SASH1: variants seen among roughly 807,000 people sequenced by gnomAD.
The protein encoded by SASH1 is SAM and SH3 domain containing 1.
SASH1 carries 44 observed loss-of-function variants against 125.2 expected under a neutral mutation model. The ratio of observed to expected loss-of-function variants is 0.35; its 90% CI spans 0.28 to 0.45. The LOEUF (loss-of-function observed/expected upper bound fraction) is 0.45, where lower values mean the gene tolerates loss of function less well. SASH1 is among the 20% of genes least tolerant of loss of function. SASH1 has a pLI of 1.00. For synonymous variants in SASH1, 639 were observed against 649.1 expected, an observed-to-expected ratio of 0.98 and a Z score of 0.24; for missense variants, 1,426 against 1,614.5, an observed-to-expected ratio of 0.88 and a Z score of 2.00.
At chr6:148,391,259 G>A (rs535289127) in intron 2 of SASH1, among the ~76,000 whole-genome samples, 11 of 151,810 alleles carry the variant, frequency 7.2e-5, no homozygotes, top group South Asian at 6.2e-4. Context: ...ACAGGCATGC[G>A]CCACCACACC....
At chr6:148,502,374 AGT>A (rs1352299178) in intron 8 of SASH1, among the ~76,000 whole-genome samples, 2 of 152,198 alleles carry the variant, frequency 1.3e-5, no homozygotes, top group Non-Finnish European at 2.9e-5. Flanking sequence ...ACTTACCCAC[AGT>A]GTGTTTCATA....
intron 1 of SASH1, among the ~76,000 whole-genome samples, chr6:148,290,057 G>A (rs1222122730): frequency 6.6e-6 from 1 of 151,152 alleles, no homozygotes; most frequent in Non-Finnish European, 1.5e-5. Context: ...TAGTAGAGAA[G>A]GGGTTTCACT....
chr6:148,250,161 A>T, the SASH1 span, among the ~76,000 whole-genome samples: 2 of 152,196 alleles, frequency 1.3e-5, no homozygotes. Context: ...GAGACAAGAA[A>T]GGTGCAGATA....
intron 1 of SASH1, among the ~76,000 whole-genome samples, chr6:148,301,879 G>A (rs556019153): frequency 5.3e-5 from 8 of 151,400 alleles, no homozygotes; most frequent in East Asian, 3.9e-4. Flanking sequence ...TTACAGGCAT[G>A]AGCCACCGCA....
chr6:148,401,042 T>G lies in SASH1; in HGVS notation c.285+10780T>G, dbSNP rs562988711. Reference sequence around the variant, plus strand: ...GGTGGATCGCTTGAGTTTAGGAGTTTGAGACTGGCCTGGGCAACATGGTGA... The same window carrying G: ...GGTGGATCGCTTGAGTTTAGGAGTTGGAGACTGGCCTGGGCAACATGGTGA... On this transcript the variant is annotated intron_variant, in intron 2 of 19. Transcript: ENST00000367467. 4.6e-5 allele frequency among the ~76,000 whole-genome samples: 7 copies of G among 152,188 alleles called. No individual in the cohort carries two copies. The East Asian group carries it at 1.2e-3, about 25-fold the overall frequency.
chr6:148,308,552 T>C (rs9485276), intron 1 of SASH1, among the ~76,000 whole-genome samples: 144,845 of 151,318 alleles, frequency 0.96, 69,364 homozygotes, highest in African/African-American at 0.99. Flanking sequence ...TGCGCCACCA[T>C]GCCTGGCTAA....
At chr6:148,397,434 G>A (rs1486539056) in intron 2 of SASH1, among the ~76,000 whole-genome samples, 3 of 152,128 alleles carry the variant, frequency 2.0e-5, no homozygotes, top group Admixed American at 6.5e-5. Flanking sequence ...GCAGTGAGCC[G>A]AGATCGCACT....
chr6:148,404,275 A>C (rs1784286840), intron 2 of SASH1, among the ~76,000 whole-genome samples: 1 of 152,342 alleles, frequency 6.6e-6, no homozygotes, highest in East Asian at 1.9e-4. Flanking sequence ...ATAAAAACAT[A>C]AAATATGTTA....
rs183490806 is a variant in SASH1, at chr6:148,538,194, G to A, written c.2096-2249G>A. ...CCAAAATAATTTCAGGTATTCTGCT[G>A]TGTCTGCTGAGGCTGGGGTCCCCAA... On this transcript the variant is annotated intron_variant, in intron 16 of 19. Coordinates refer to ENST00000367467, the MANE Select transcript of SASH1 (RefSeq NM_015278.5). Among the ~76,000 whole-genome samples, 153 of 152,302 alleles carry A rather than the reference G, an allele frequency of 1.0e-3. 1 individual carries two copies. Among genetic ancestry groups the A allele is most frequent in the African/African-American group, 3.4e-3 (140 of 41,562 alleles).
At chr6:148,464,517 T>C (rs916668469) in intron 4 of SASH1, among the ~76,000 whole-genome samples, 2 of 152,158 alleles carry the variant, frequency 1.3e-5, no homozygotes, top group African/African-American at 4.8e-5. Context: ...GAGGTACTAC[T>C]ACCAGGAGGC....
intron 7 of SASH1, among the ~76,000 whole-genome samples, chr6:148,476,280 A>G (rs910510267): frequency 1.3e-5 from 2 of 151,182 alleles, no homozygotes; most frequent in Non-Finnish European, 3.0e-5. Context: ...ACACCAAAAA[A>G]AAAAAAAAAA....
intron 1 of SASH1, among the ~76,000 whole-genome samples, chr6:148,303,180 A>G (rs1010500513): frequency 2.6e-5 from 4 of 151,924 alleles, no homozygotes; most frequent in African/African-American, 9.7e-5. Flanking sequence ...GGGTTTCACC[A>G]TGTTGGTCAG....
At chr6:148,500,049 T>C (rs148975270) in intron 8 of SASH1, among the ~76,000 whole-genome samples, 330 of 152,280 alleles carry the variant, frequency 2.2e-3, no homozygotes, top group African/African-American at 7.7e-3. Context: ...AGAGCAAAGA[T>C]TGGCTTTTTG....
At chr6:148,410,396 C>T (rs558290402) in intron 2 of SASH1, among the ~76,000 whole-genome samples, 8 of 151,956 alleles carry the variant, frequency 5.3e-5, no homozygotes, top group East Asian at 1.9e-4. Context: ...GAGCCCTCCC[C>T]GTAAGAAACT....
chr6:148,202,271 C>A, the SASH1 span, among the ~76,000 whole-genome samples: 1 of 152,294 alleles, frequency 6.6e-6, no homozygotes, highest in South Asian at 2.1e-4. Flanking sequence ...TGGAAGCCAA[C>A]TCTAACATTG....
chr6:148,233,097 C>T, the SASH1 span, among the ~76,000 whole-genome samples: 1 of 151,856 alleles, frequency 6.6e-6, no homozygotes, highest in Non-Finnish European at 1.5e-5. Flanking sequence ...GCCTGTAGTC[C>T]CAGATACTCG....
rs1310474658 is a variant in SASH1 at position 148,315,246 on chromosome 6, T to A, written n.74+42869T>A. ...TAGTAAGCACTTTTCCACATAATAA[T>A]TTTTAAAGTAGCTAATATGTTTTTA... On this transcript the variant is annotated intron_variant and non_coding_transcript_variant, in intron 1 of 3. Transcript: ENST00000367469. Among the ~76,000 whole-genome samples, 3 of 152,352 alleles carry A rather than the reference T, an allele frequency of 2.0e-5. No homozygotes were observed. In the East Asian group the frequency reaches 5.8e-4, roughly 29 times the overall value.
intron 1 of SASH1, among the ~76,000 whole-genome samples, chr6:148,291,341 C>A (rs1009725699): frequency 6.6e-6 from 1 of 152,056 alleles, no homozygotes; most frequent in African/African-American, 2.4e-5. Context: ...TAAATATGTT[C>A]AATTATTATG....
intron 8 of SASH1, among the ~76,000 whole-genome samples, chr6:148,499,063 T>TTTTTG (rs1017164545): frequency 1.3e-5 from 2 of 150,328 alleles, no homozygotes; most frequent in African/African-American, 4.9e-5. Context: ...TTTTGTTTTT[T>TTTTTG]TTTTTTTTTT....
Sources: gnomAD v4.1 joint callset for allele counts (sites outside exome capture counted in the v4.1 genomes callset) on GRCh38, gnomAD v4.1.1 for gene constraint, MANE v1.5 for transcripts, NCBI Gene and HGNC (gene_info 2026-07-23, HGNC 2026-07-21) for gene names.